The following TBC1D12 variants were observed in gnomAD, a reference collection of about 807,000 sequenced individuals.
TBC1D12 encodes TBC1 domain family, member 12.
In TBC1D12, 56 loss-of-function variants were observed where a neutral mutation model predicts 86.7. The ratio of observed to expected loss-of-function variants is 0.65; its 90% CI spans 0.52 to 0.81. TBC1D12 has a LOEUF of 0.81. TBC1D12 is among the 30% of genes least tolerant of loss of function. TBC1D12 has a pLI of 0.00. For synonymous variants in TBC1D12, 421 were observed against 411.7 expected (o/e 1.02, Z -0.27); for missense variants, 1,023 against 1,038.8 (o/e 0.98, Z 0.21).
At chr10:94,506,438 A>G (rs1264417662) in intron 6 of TBC1D12, among the ~76,000 whole-genome samples, 1 of 152,232 alleles carries the variant, frequency 6.6e-6, no homozygotes, top group Non-Finnish European at 1.5e-5. Flanking sequence ...ATTTTGGACA[A>G]TATATAAACT....
intron 1 of TBC1D12, among the ~76,000 whole-genome samples, chr10:94,419,893 A>G (rs1354509027): frequency 6.6e-6 from 1 of 152,212 alleles, no homozygotes; most frequent in East Asian, 1.9e-4. Flanking sequence ...GGTTTGGGAT[A>G]CTTACTCCTA....
At chr10:94,430,341 G>T (rs1367113834) in intron 1 of TBC1D12, among the ~76,000 whole-genome samples, 1 of 152,180 alleles carries the variant, frequency 6.6e-6, no homozygotes, top group Admixed American at 6.5e-5. Context: ...GAAGATTCAG[G>T]ATTAGGTAGT....
chr10:94,514,053 A>AC (rs2056558057), intron 9 of TBC1D12, among the ~76,000 whole-genome samples: 2 of 150,948 alleles, frequency 1.3e-5, no homozygotes, highest in African/African-American at 4.8e-5. Context: ...AAAAAAACAA[A>AC]AAAAAAAAAA....
chr10:94,522,281 C>T (rs1030318689), intron 10 of TBC1D12, 63 bp from the exon 11 acceptor site: 11 of 1,072,770 alleles, frequency 1.0e-5, no homozygotes, highest in Admixed American at 9.1e-5. Flanking sequence ...AGTGTTTAAG[C>T]GTTTAATTTC....
At position 94,510,179 on chromosome 10, in the gene TBC1D12, G is replaced by A; in HGVS notation, c.1689G>A (p.Lys563=). 6.3e-7 allele frequency: 1 copy of A among 1,578,514 alleles called. No individual in the cohort carries two copies. The highest frequency in any genetic ancestry group is 8.6e-7 in the Non-Finnish European group (1 of 1,168,650). ...TTCCATCTCTCTACATCTTTCAGAA[G>A]GTGAGGGTTTCTAACCAGCTTGTAA... is the stretch of plus-strand genomic sequence containing the variant. ...RTFPSLYIFQ[K]GGPYHDVLHS... Residue 563 remains lysine, a splice_region_variant and synonymous_variant, in exon 8 of 13, where the codon AAG becomes AAA. Transcript: ENST00000225235.
intron 2 of TBC1D12, among the ~76,000 whole-genome samples, chr10:94,459,432 C>T (rs1310650885): frequency 6.6e-6 from 1 of 152,270 alleles, no homozygotes; most frequent in Non-Finnish European, 1.5e-5. Context: ...GCTGGCTTCG[C>T]CTAGCGGATC....
At chr10:94,465,645 TAA>T (rs774961028) in intron 2 of TBC1D12, among the ~76,000 whole-genome samples, 4 of 131,236 alleles carry the variant, frequency 3.0e-5, no homozygotes, top group African/African-American at 8.8e-5. Flanking sequence ...GACTCTTGCC[TAA>T]AAAAAAAAAT....
Position 94,449,103 on chromosome 10 carries a change from G to A in TBC1D12, c.1095+7084G>A, listed in dbSNP as rs192171977. Among the ~76,000 whole-genome samples the A allele has an allele frequency of 1.8e-3, 279 of 152,198 alleles. 1 individual carries two copies. The highest frequency in any genetic ancestry group is 6.0e-3 in the African/African-American group (249 of 41,542). On this transcript the variant is annotated intron_variant, in intron 2 of 12. Coordinates refer to ENST00000225235, the MANE Select transcript of TBC1D12 (RefSeq NM_015188.2). ...AAAGATAAGTTTTCACAAATTAAAC[G>A]GTAGAATTTGAGGGGACGTTTTTTC... is the stretch of plus-strand genomic sequence containing the variant.
chr10:94,494,075 A>G (rs1411756946), intron 4 of TBC1D12, among the ~76,000 whole-genome samples: 1 of 151,926 alleles, frequency 6.6e-6, no homozygotes. Flanking sequence ...TTTTTTTGTG[A>G]CTTACAGAGT....
chr10:94,526,396 T>G (rs1842290261), intron 11 of TBC1D12, among the ~76,000 whole-genome samples: 1 of 150,272 alleles, frequency 6.7e-6, no homozygotes, highest in South Asian at 2.1e-4. Flanking sequence ...ACCACTATAT[T>G]CCAGCCTGAG....
intron 11 of TBC1D12, among the ~76,000 whole-genome samples, chr10:94,523,192 CAAAA>C (rs33935088): frequency 4.5e-5 from 2 of 44,076 alleles, no homozygotes; most frequent in African/African-American, 9.1e-5. Context: ...AACTCTATCT[CAAAA>C]AAAAAAAAAA....
intron 1 of TBC1D12, among the ~76,000 whole-genome samples, chr10:94,403,906 T>C (rs2054812746): frequency 1.3e-5 from 2 of 151,740 alleles, no homozygotes. Context: ...GTGCCACATA[T>C]GCAGTTGCCT....
intron 1 of TBC1D12, among the ~76,000 whole-genome samples, chr10:94,422,454 C>T (rs1057241606): frequency 6.6e-6 from 1 of 152,094 alleles, no homozygotes; most frequent in Non-Finnish European, 1.5e-5. Flanking sequence ...TCCTAAAGTG[C>T]TGGAATTACA....
At chr10:94,494,516 T>A (rs940016841) in intron 4 of TBC1D12, among the ~76,000 whole-genome samples, 1 of 152,210 alleles carries the variant, frequency 6.6e-6, no homozygotes, top group African/African-American at 2.4e-5. Context: ...ATTTCTGACA[T>A]ATCCAATTAA....
Position 94,533,924 on chromosome 10 carries a change from G to C in TBC1D12, c.*828G>C, listed in dbSNP as rs1309053453. 6.6e-6 allele frequency: 1 copy of C among 152,142 alleles called. No homozygotes were observed. The highest frequency in any genetic ancestry group is 1.9e-4 in the East Asian group (1 of 5,200). The allele number at this position is 152,142 out of a possible 1,614,324, so 9.4% of individuals were successfully genotyped here. A position where few individuals can be genotyped will look rare whatever the true frequency, so the allele number is the denominator to read the frequency against. Reference sequence around the variant, plus strand: ...AAAAACATATATGATGTTTCTCAGTGATAAGAGTAAAAAGTAATGAATCCT... The same window carrying C: ...AAAAACATATATGATGTTTCTCAGTCATAAGAGTAAAAAGTAATGAATCCT... On this transcript the variant is annotated 3_prime_UTR_variant, in exon 13 of 13. Coordinates refer to ENST00000225235, the MANE Select transcript of TBC1D12 (RefSeq NM_015188.2).
chr10:94,412,473 C>A (rs2054940291), intron 1 of TBC1D12, among the ~76,000 whole-genome samples: 1 of 152,204 alleles, frequency 6.6e-6, no homozygotes, highest in South Asian at 2.1e-4. Flanking sequence ...AGTGATATGA[C>A]ATTTCCCGAA....
rs1415225853 is a variant in TBC1D12 at position 94,461,258 on chromosome 10, T to G, written c.1096-13410T>G. On this transcript the variant is annotated intron_variant, in intron 2 of 12. Transcript: ENST00000225235. ...AGTCCTATGATTGGGTCTTAATCTTTTGGTGAACCTGTACCTCTGAATGGT... is the reference window on the plus strand; with the variant it reads ...AGTCCTATGATTGGGTCTTAATCTTGTGGTGAACCTGTACCTCTGAATGGT... Among the ~76,000 whole-genome samples the G allele has an allele frequency of 3.3e-5, 5 of 152,164 alleles. No individual in the cohort carries two copies. In the South Asian group the frequency reaches 1.0e-3, roughly 32 times the overall value.
At chr10:94,403,641 G>C (rs976815692) in intron 1 of TBC1D12, 57 bp downstream of exon 1, 6 of 1,398,652 alleles carry the variant, frequency 4.3e-6, no homozygotes, top group Admixed American at 7.4e-5. Context: ...CCGGAGCCGG[G>C]GTCTTGGTGG....
chr10:94,476,060 C>T (rs1258631583), intron 3 of TBC1D12, among the ~76,000 whole-genome samples: 3 of 152,156 alleles, frequency 2.0e-5, no homozygotes, highest in African/African-American at 7.2e-5. Flanking sequence ...CCACTTCAGC[C>T]TCCTGAGTAG....
Sources: allele counts gnomAD v4.1 joint callset (sites outside exome capture counted in the v4.1 genomes callset), GRCh38; gene constraint gnomAD v4.1.1; transcripts MANE v1.5; gene names NCBI Gene and HGNC (gene_info 2026-07-23, HGNC 2026-07-21).